The following LTBP1 variants were observed in gnomAD, a reference collection of about 807,000 sequenced individuals.
LTBP1 encodes latent transforming growth factor beta binding protein 1.
A neutral mutation model predicts 207.6 loss-of-function variants in LTBP1; 129 were observed. That is an observed-to-expected ratio of 0.62 (90% CI 0.54 to 0.72). The LOEUF is 0.72. LTBP1 is among the 30% of genes least tolerant of loss of function. The pLI, the probability that LTBP1 is intolerant of heterozygous loss-of-function variation, is 0.00. For missense variants in LTBP1, 2,281 were observed against 2,217.2 expected (o/e 1.03, Z -0.58); for synonymous variants, 963 against 833.7 (o/e 1.16, Z -2.67).
intron 3 of LTBP1, among the ~76,000 whole-genome samples, chr2:33,027,438 C>A (rs2075473479): frequency 6.6e-6 from 1 of 152,156 alleles, no homozygotes; most frequent in Admixed American, 6.5e-5. Flanking sequence ...TCACCATGCT[C>A]TTTGTTAGAT....
intron 5 of LTBP1, among the ~76,000 whole-genome samples, chr2:33,185,117 T>C (rs1410069655): frequency 1.3e-5 from 2 of 152,126 alleles, no homozygotes; most frequent in East Asian, 1.9e-4. Context: ...TGGATAAAGC[T>C]CTGGAAGGGT....
At chr2:33,342,651 A>G (rs567654972) in intron 24 of LTBP1, among the ~76,000 whole-genome samples, 187 bp from the exon 25 acceptor site, 1 of 152,362 alleles carries the variant, frequency 6.6e-6, no homozygotes, top group East Asian at 1.9e-4. Flanking sequence ...TTTGGCTGTT[A>G]AACCATTTTC....
At chr2:33,316,362 A>T (rs1054982616) in intron 24 of LTBP1, among the ~76,000 whole-genome samples, 17 of 152,234 alleles carry the variant, frequency 1.1e-4, no homozygotes, top group African/African-American at 3.9e-4. Flanking sequence ...AAAATAGTGC[A>T]ACAGGAAGTA....
intron 3 of LTBP1, among the ~76,000 whole-genome samples, chr2:33,091,515 CTAT>C (rs1368486508): frequency 6.6e-6 from 1 of 152,176 alleles, no homozygotes; most frequent in Non-Finnish European, 1.5e-5. Context: ...ACTCTCTTCA[CTAT>C]TCTCTGTTCT....
chr2:33,235,070 A>G (rs907509609), intron 9 of LTBP1, among the ~76,000 whole-genome samples: 9 of 152,228 alleles, frequency 5.9e-5, no homozygotes, highest in African/African-American at 1.9e-4. Context: ...TAAACTAAAG[A>G]GCTTCTGTAC....
intron 10 of LTBP1, among the ~76,000 whole-genome samples, chr2:33,247,913 A>T (rs1343353440): frequency 6.6e-6 from 1 of 152,210 alleles, no homozygotes; most frequent in African/African-American, 2.4e-5. Flanking sequence ...TTCCTTCCAG[A>T]CTTGATATTT....
At chr2:33,011,491 A>G (rs1308471477) in intron 2 of LTBP1, among the ~76,000 whole-genome samples, 1 of 152,152 alleles carries the variant, frequency 6.6e-6, no homozygotes, top group African/African-American at 2.4e-5. Flanking sequence ...TTATAAGAAG[A>G]GGCAATTTGG....
At chr2:33,301,409 C>A in intron 21 of LTBP1, 113 bp from the exon 22 acceptor site, 2 of 1,252,184 alleles carry the variant, frequency 1.6e-6, no homozygotes, top group South Asian at 1.8e-5. Flanking sequence ...ACATGATGGT[C>A]ATTACTTGTA....
chr2:32,983,546 A>ACCCAAGTCGTAT lies in LTBP1; in HGVS notation c.565+34603_565+34614dup, dbSNP rs1319870549. Among the ~76,000 whole-genome samples, 5 of 152,246 alleles carry ACCCAAGTCGTAT rather than the reference A, an allele frequency of 3.3e-5. No homozygotes were observed. The East Asian group carries it at 7.7e-4, about 24-fold the overall frequency. On this transcript the variant is annotated intron_variant, in intron 2 of 33. Coordinates refer to ENST00000404816, the MANE Select transcript of LTBP1 (RefSeq NM_206943.4). ...AATGATATGGTTTGTCTGTGTCCCC[A>ACCCAAGTCGTAT]CCCAAGTCGTATCTTGAATTGTAAC...
At chr2:33,075,631 G>A (rs936933654) in intron 3 of LTBP1, among the ~76,000 whole-genome samples, 1 of 152,150 alleles carries the variant, frequency 6.6e-6, no homozygotes, top group African/African-American at 2.4e-5. Context: ...CCGTTAAAAT[G>A]GCCTTATGCG....
At chr2:33,331,272 T>C (rs1303446770) in intron 24 of LTBP1, among the ~76,000 whole-genome samples, 1 of 151,714 alleles carries the variant, frequency 6.6e-6, no homozygotes, top group Non-Finnish European at 1.5e-5. Context: ...CACTTTGGGG[T>C]TTAAATTGTC....
intron 27 of LTBP1, 32 bp from the exon 28 acceptor site, chr2:33,361,396 TC>T: frequency 9.8e-7 from 1 of 1,025,424 alleles, no homozygotes; most frequent in Non-Finnish European, 1.4e-6. Flanking sequence ...AGATGTTGAA[TC>T]TTTTTTTTTT....
chr2:33,073,017 A>G (rs1215150982), intron 3 of LTBP1, among the ~76,000 whole-genome samples: 2 of 152,160 alleles, frequency 1.3e-5, no homozygotes, highest in African/African-American at 2.4e-5. Flanking sequence ...GTTGCCCTCC[A>G]CAGAGCCGGG....
At chr2:33,064,309 T>A (rs770976917) in intron 3 of LTBP1, among the ~76,000 whole-genome samples, 2 of 152,206 alleles carry the variant, frequency 1.3e-5, no homozygotes, top group Non-Finnish European at 2.9e-5. Flanking sequence ...CTCAAACTCA[T>A]ATTGTCAAGA....
At position 33,020,924 on chromosome 2, in the gene LTBP1, C is replaced by T. The variant is rs1211408831; in HGVS notation, c.581C>T (p.Pro194Leu). 6.3e-7 allele frequency: 1 copy of T among 1,586,748 alleles called. No homozygotes were observed. The highest frequency in any genetic ancestry group is 1.7e-5 in the Admixed American group (1 of 58,706). The part of the protein sequence containing the change: ...QRCTKPSCVP[P>L]CQNGGMCLRP... Reference sequence around the variant, plus strand: ...CTTTCTGCAGCTAGCTGTGTTCCGCCATGTCAGAATGGAGGGATGTGTCTC... The same window carrying T: ...CTTTCTGCAGCTAGCTGTGTTCCGCTATGTCAGAATGGAGGGATGTGTCTC... The change falls in exon 3 of 34, where the codon CCA becomes CTA. Residue 194 changes from proline (P) to leucine (L), a missense_variant. By Grantham distance (98) the Pro-to-Leu change is moderately conservative. Coordinates refer to ENST00000404816, the MANE Select transcript of LTBP1 (RefSeq NM_206943.4).
chr2:33,383,506 T>A (rs1479851050), intron 31 of LTBP1, among the ~76,000 whole-genome samples: 1 of 152,210 alleles, frequency 6.6e-6, no homozygotes, highest in Non-Finnish European at 1.5e-5. Flanking sequence ...GAAAAATACC[T>A]GGTCTAGAAA....
intron 18 of LTBP1, among the ~76,000 whole-genome samples, chr2:33,277,757 T>TC (rs1286731600): frequency 1.1e-5 from 1 of 90,020 alleles, no homozygotes; most frequent in Non-Finnish European, 2.3e-5. Flanking sequence ...TGATTTTTTT[T>TC]TCCCTTTCTT....
At chr2:33,293,995 CTTTTTTTTTTTTTTTTT>C (rs71409607) in intron 20 of LTBP1, among the ~76,000 whole-genome samples, 4 of 48,836 alleles carry the variant, frequency 8.2e-5, no homozygotes, top group African/African-American at 3.5e-4. Flanking sequence ...TGGTACAGGT[CTTTTTTTTTTTTTTTTT>C]TTTTTTTTTT....
rs193214535 is a variant in LTBP1 at position 33,328,599 on chromosome 2, C to T, written c.3730+13330C>T. Among the ~76,000 whole-genome samples the T allele has an allele frequency of 3.1e-3, 478 of 152,268 alleles. 3 individuals carry two copies. Among genetic ancestry groups the T allele is most frequent in the African/African-American group, 0.011 (459 of 41,544 alleles). On this transcript the variant is annotated intron_variant, in intron 24 of 33. Transcript: ENST00000404816. Reference sequence around the variant, plus strand: ...AGACACTTAAAAAATCATCAGGTCTCATGAGACTTACTCACTATCATGAGA... The same window carrying T: ...AGACACTTAAAAAATCATCAGGTCTTATGAGACTTACTCACTATCATGAGA...
Sources: gnomAD v4.1 joint callset for allele counts (sites outside exome capture counted in the v4.1 genomes callset) on GRCh38, gnomAD v4.1.1 for gene constraint, MANE v1.5 for transcripts, NCBI Gene and HGNC (gene_info 2026-07-23, HGNC 2026-07-21) for gene names.